The following PLEKHB2 variants were observed in gnomAD, a reference collection of about 807,000 sequenced individuals.
PLEKHB2 encodes the protein pleckstrin homology domain-containing family B member 2.
A neutral mutation model predicts 36.5 loss-of-function variants in PLEKHB2; 31 were observed. That is an observed-to-expected ratio of 0.85 (90% CI 0.64 to 1.15). The LOEUF (loss-of-function observed/expected upper bound fraction) is 1.15. PLEKHB2 is among the 50% of genes most tolerant of loss of function. The probability of loss-of-function intolerance (pLI) is 0.00; values close to 1 mark genes in which losing one functional copy is unlikely to be tolerated. For synonymous variants in PLEKHB2, 119 were observed against 112.0 expected (o/e 1.06, Z -0.39); for missense variants, 262 against 295.3 (o/e 0.89, Z 0.83).
intron 7 of PLEKHB2, chr2:131,144,341 A>G (rs972949013): frequency 1.5e-6 from 1 of 658,326 alleles, no homozygotes; most frequent in Non-Finnish European, 2.2e-6. Flanking sequence ...CTCTCCTATA[A>G]TGTGGGGTTG....
At chr2:131,146,469 C>T (rs779622564) in intron 7 of PLEKHB2, among the ~76,000 whole-genome samples, 168 bp from the exon 8 acceptor site, 3 of 152,198 alleles carry the variant, frequency 2.0e-5, no homozygotes, top group East Asian at 1.9e-4. Context: ...TCCCAGTGTG[C>T]GGTTTCAGGG....
intron 2 of PLEKHB2, 28 bp downstream of exon 2, chr2:131,121,006 C>G (rs745724941): frequency 6.2e-7 from 1 of 1,608,824 alleles, no homozygotes; most frequent in African/African-American, 1.3e-5. Context: ...GGTCTGCGAT[C>G]GGCATTGCCG....
intron 6 of PLEKHB2, among the ~76,000 whole-genome samples, chr2:131,139,133 A>G (rs1204123100): frequency 1.3e-5 from 2 of 152,082 alleles, no homozygotes; most frequent in African/African-American, 2.4e-5. Context: ...ATTCTTTGTT[A>G]AAGAGAGCAG....
chr2:131,137,607 C>A (rs1012654075), intron 6 of PLEKHB2, among the ~76,000 whole-genome samples: 1 of 152,188 alleles, frequency 6.6e-6, no homozygotes, highest in Admixed American at 6.5e-5. Flanking sequence ...AGTAAAAATC[C>A]TCCAGTTCAT....
intron 1 of PLEKHB2, among the ~76,000 whole-genome samples, chr2:131,113,026 A>G (rs1695482192): frequency 6.6e-6 from 1 of 151,996 alleles, no homozygotes; most frequent in Non-Finnish European, 1.5e-5. Context: ...ATCTGATGCT[A>G]TCTCCAGGTA....
intron 7 of PLEKHB2, 112 bp downstream of exon 7, chr2:131,140,387 G>A: frequency 9.8e-6 from 6 of 612,272 alleles, no homozygotes; most frequent in Non-Finnish European, 1.7e-5. Flanking sequence ...TATATTTTCT[G>A]GTTGTAGACT....
chr2:131,133,679 C>T (rs1381751041), intron 6 of PLEKHB2, among the ~76,000 whole-genome samples: 3 of 152,214 alleles, frequency 2.0e-5, no homozygotes, highest in African/African-American at 4.8e-5. Flanking sequence ...ACAAAATCTT[C>T]CTGCTGTGAC....
Position 131,149,000 on chromosome 2 carries a change from T to C in PLEKHB2, c.*2227T>C, listed in dbSNP as rs1407633864. 6.6e-6 allele frequency: 1 copy of C among 152,150 alleles called. No homozygotes were observed. The highest frequency in any genetic ancestry group is 1.5e-5 in the Non-Finnish European group (1 of 68,026). The allele number at this position is 152,150 out of a possible 1,614,324, so 9.4% of individuals were successfully genotyped here. ...TGCCAAAATGCTCTTGAAGCAGATG[T>C]CCCTGTGCTCCCCTGGCTGCTTCTG... On this transcript the variant is annotated 3_prime_UTR_variant, in exon 8 of 8. Transcript: ENST00000693505.
At chr2:131,121,373 C>T (rs556764334) in intron 2 of PLEKHB2, among the ~76,000 whole-genome samples, 4 of 152,134 alleles carry the variant, frequency 2.6e-5, no homozygotes, top group Non-Finnish European at 5.9e-5. Flanking sequence ...CTCAGCCTCC[C>T]GAGTAGCTGG....
chr2:131,144,321 GTT>G, intron 7 of PLEKHB2: 1 of 486,728 alleles, frequency 2.1e-6, no homozygotes, highest in Non-Finnish European at 3.2e-6. Context: ...GCTAGTGGGT[GTT>G]CGTTCGGCTC....
chr2:131,108,928 G>A (rs528268479), intron 1 of PLEKHB2, among the ~76,000 whole-genome samples: 1 of 152,268 alleles, frequency 6.6e-6, no homozygotes, highest in South Asian at 2.1e-4. Flanking sequence ...GGGAATTTTC[G>A]TTTTATAGAT....
At chr2:131,129,263 T>G (rs1214748922) in intron 4 of PLEKHB2, among the ~76,000 whole-genome samples, 1 of 135,580 alleles carries the variant, frequency 7.4e-6, no homozygotes, top group Non-Finnish European at 1.5e-5. Flanking sequence ...AGGTGGAGGT[T>G]GCGGTGAGCC....
intron 2 of PLEKHB2, among the ~76,000 whole-genome samples, chr2:131,124,374 T>A (rs529203226): frequency 1.1e-3 from 165 of 152,214 alleles, no homozygotes; most frequent in African/African-American, 3.9e-3. Flanking sequence ...GGATGAGATG[T>A]ACAGGAACAG....
chr2:131,131,421 C>T (rs192747502), intron 5 of PLEKHB2, among the ~76,000 whole-genome samples: 1 of 152,320 alleles, frequency 6.6e-6, no homozygotes, highest in Admixed American at 6.5e-5. Flanking sequence ...GTGACTTGTA[C>T]TTGTCTCTCG....
At chr2:131,122,980 T>G (rs114775052) in intron 2 of PLEKHB2, among the ~76,000 whole-genome samples, 3,189 of 152,300 alleles carry the variant, frequency 0.021, 118 homozygotes, top group African/African-American at 0.073. Flanking sequence ...CACCCTTGTT[T>G]GAGGGCAAGC....
intron 2 of PLEKHB2, among the ~76,000 whole-genome samples, chr2:131,124,311 G>A (rs1176756795): frequency 6.6e-6 from 1 of 152,110 alleles, no homozygotes. Flanking sequence ...TTGCAGGCAC[G>A]GCAACATAAA....
chr2:131,135,162 C>T (rs1391969528), intron 6 of PLEKHB2, among the ~76,000 whole-genome samples: 1 of 152,042 alleles, frequency 6.6e-6, no homozygotes, highest in Non-Finnish European at 1.5e-5. Context: ...CCCTCCGCCT[C>T]CTGGGTTCAA....
At chr2:131,129,346 A>G (rs1329114601) in intron 4 of PLEKHB2, among the ~76,000 whole-genome samples, 2 of 150,018 alleles carry the variant, frequency 1.3e-5, no homozygotes, top group African/African-American at 4.9e-5. Context: ...AAAAAAAAAA[A>G]AAAAAAGAAA....
Position 131,146,789 on chromosome 2 carries a change from G to A in PLEKHB2, c.*16G>A, listed in dbSNP as rs1699333982. The A allele has an allele frequency of 1.9e-6, 3 of 1,576,058 alleles. No homozygotes were observed. Among genetic ancestry groups the A allele is most frequent in the Non-Finnish European group, 2.6e-6 (3 of 1,160,392 alleles). ...GGTCTTCTAGGGGCCTCAAGGTCTT[G>A]ATGTGCATAGCTTCTGATAACCCTG... On this transcript the variant is annotated 3_prime_UTR_variant, in exon 8 of 8. Transcript: ENST00000693505.
Sources: allele counts gnomAD v4.1 joint callset (sites outside exome capture counted in the v4.1 genomes callset), GRCh38; gene constraint gnomAD v4.1.1; transcripts MANE v1.5; gene names NCBI Gene and HGNC (gene_info 2026-07-23, HGNC 2026-07-21).